Variants in LIME1 observed in about 807,000 individuals in gnomAD.
LIME1 encodes Lck interacting transmembrane adaptor 1, also known as lck-interacting transmembrane adapter 1.
In LIME1, 23 loss-of-function variants were observed where a neutral mutation model predicts 18.8. The observed-to-expected ratio is 1.22, with a 90% CI of 0.88 to 1.73. The LOEUF (loss-of-function observed/expected upper bound fraction) is 1.73. LIME1 is among the 40% of genes most tolerant of loss of function. LIME1 has a pLI of 0.00. For missense variants in LIME1, 423 were observed against 396.8 expected, an observed-to-expected ratio of 1.07 and a Z score of -0.56; for synonymous variants, 177 against 182.3, an observed-to-expected ratio of 0.97 and a Z score of 0.23.
At chr20:63,736,242 G>C (rs1020392525), upstream of LIME1, 1 of 323,102 alleles carries the variant, frequency 3.1e-6, no homozygotes, top group African/African-American at 2.2e-5. Context: ...TAGGAGGCCG[G>C]CATTCTCCCT....
In LIME1 at chr20:63,738,025, T is replaced by C; in HGVS notation, c.233T>C (p.Leu78Pro). The C allele has an allele frequency of 1.3e-6, 2 of 1,561,974 alleles. No individual in the cohort carries two copies. Among genetic ancestry groups the C allele is most frequent in the Non-Finnish European group, 8.6e-7 (1 of 1,158,556 alleles). The change falls in exon 4 of 6, where the codon CTG becomes CCG. Residue 78 changes from leucine (L) to proline (P), a missense_variant. Transcript: ENST00000309546. ...TCCCTCAGCAAGTCGGACACCAGACTGCACGAGCTGCACCGGGGCCCGCGC... is the reference window on the plus strand; with the variant it reads ...TCCCTCAGCAAGTCGGACACCAGACCGCACGAGCTGCACCGGGGCCCGCGC... ...LCSLSKSDTR[L>P]HELHRGPRSS...
At chr20:63,735,835 G>A (rs763545829), upstream of LIME1, 19 of 1,612,352 alleles carry the variant, frequency 1.2e-5, no homozygotes, top group Non-Finnish European at 2.5e-6. Flanking sequence ...CCCAGCGCCA[G>A]CTGGGGCAGC....
intron 2 of LIME1, 21 bp from the exon 3 acceptor site, chr20:63,737,800 C>T (rs2092009509): frequency 6.6e-6 from 9 of 1,354,206 alleles, no homozygotes; most frequent in Admixed American, 5.4e-5. Flanking sequence ...CCGCCCCCCG[C>T]CCCCCACCTC....
upstream of LIME1, chr20:63,736,215 G>C (rs1384137818): frequency 2.6e-6 from 1 of 385,734 alleles, no homozygotes; most frequent in Admixed American, 4.4e-5. Flanking sequence ...TGAGAGACGG[G>C]CTGGGCTGGA....
upstream of LIME1, chr20:63,736,376 C>CCT (rs201907118): frequency 4.2e-3 from 765 of 181,090 alleles, 4 homozygotes; most frequent in African/African-American, 0.017. Flanking sequence ...GGACTGTGGC[C>CCT]CACCACGTGG....
chr20:63,735,983 G>T (rs1443931028), upstream of LIME1: 4 of 1,563,282 alleles, frequency 2.6e-6, no homozygotes, highest in East Asian at 9.0e-5. Flanking sequence ...AGGAAGACCA[G>T]TGTTGCCCGA....
At position 63,737,525 on chromosome 20, in the gene LIME1, G is replaced by A. The variant is rs2092004581; in HGVS notation, c.-17-8G>A. The A allele has an allele frequency of 2.7e-6, 4 of 1,498,830 alleles. No homozygotes were observed. The East Asian group carries it at 1.0e-4, about 39-fold the overall frequency. 92.8% of individuals were successfully genotyped at this position (1,498,830 alleles called of 1,614,324 possible). A position where few individuals can be genotyped will look rare whatever the true frequency, so the allele number is the denominator to read the frequency against. On this transcript the variant is annotated splice_region_variant and splice_polypyrimidine_tract_variant and intron_variant, in intron 1 of 5. Coordinates refer to ENST00000309546, the MANE Select transcript of LIME1 (RefSeq NM_017806.4). ...CCAGCCCCCAGCGCCCCTTTCTTCT[G>A]TCCCCAGGGCCTCGGCTTCACAGGA...
chr20:63,738,756 C>T lies in LIME1; in HGVS notation c.744C>T (p.Gly248=). 4 of 1,613,050 alleles carry T rather than the reference C, an allele frequency of 2.5e-6. No homozygotes were observed. Among genetic ancestry groups the T allele is most frequent in the Non-Finnish European group, 3.4e-6 (4 of 1,179,946 alleles). Residue 248 remains glycine (G), a synonymous_variant, in exon 6 of 6, where the codon GGC becomes GGT. Transcript: ENST00000309546. ...LPLRALDVDS[G]PLENVYESIR... is the part of the protein sequence containing the mutation. ...TCAGGGCCCTGGATGTGGACAGCGG[C>T]CCCCTGGAAAACGTGTATGAGAGCA...
rs374464189 is a variant in LIME1, at chr20:63,738,618, G to T, written c.606G>T (p.Arg202Ser). The T allele has an allele frequency of 3.2e-6, 5 of 1,575,430 alleles. No homozygotes were observed. The highest frequency in any genetic ancestry group is 1.4e-5 in the African/African-American group (1 of 73,556). The change falls in exon 6 of 6, where the codon AGG becomes AGT. Residue 202 changes from arginine (R) to serine (S), a missense_variant. Physicochemically the swap from Arg to Ser is moderately radical, Grantham distance 110. Transcript: ENST00000309546. ...TCCAGGTGGACGTCCTGTACTCCAG[G>T]GTCTGCAAGCCTAAAAGGAGGGACC... ...PAAQVDVLYS[R>S]VCKPKRRDPG...
In LIME1 at chr20:63,738,380, G is replaced by T; in HGVS notation, c.466G>T (p.Val156Phe). The change falls in exon 5 of 6, where the codon GTC becomes TTC. Residue 156 changes from valine to phenylalanine, a missense_variant. By Grantham distance (50) the Val-to-Phe change is conservative (BLOSUM62 -1). Coordinates refer to ENST00000309546, the MANE Select transcript of LIME1 (RefSeq NM_017806.4). ...SNVGLAALPGVSLAASPVVAE... is the reference protein window; with the variant it reads ...SNVGLAALPGFSLAASPVVAE... ...CGTGGGGCTGGCGGCCCTTCCCGGG[G>T]TCAGCCTGGCGGCCAGCCCTGTGGT... 6.4e-7 allele frequency: 1 copy of T among 1,556,076 alleles called. No individual in the cohort carries two copies. Among genetic ancestry groups the T allele is most frequent in the Admixed American group, 1.9e-5 (1 of 52,072 alleles).
chr20:63,736,044 C>G, upstream of LIME1: 1 of 1,385,190 alleles, frequency 7.2e-7, no homozygotes, highest in Admixed American at 2.6e-5. Context: ...TGAGTGGAGA[C>G]AGAGCTGCGG....
In LIME1 at chr20:63,738,592, C is replaced by T. The variant is rs1047065885; in HGVS notation, c.586-6C>T. ...ACCCCTCCTCGGGTTGGCTTCCTGT[C>T]TCCAGGTGGACGTCCTGTACTCCAG... is the stretch of plus-strand genomic sequence containing the variant. On this transcript the variant is annotated splice_region_variant and splice_polypyrimidine_tract_variant and intron_variant, in intron 5 of 5. Transcript: ENST00000309546. 5 of 1,542,730 alleles carry T rather than the reference C, an allele frequency of 3.2e-6. No individual in the cohort carries two copies. The highest frequency in any genetic ancestry group is 3.5e-6 in the Non-Finnish European group (4 of 1,145,830).
In LIME1 at chr20:63,738,069, A is replaced by AGGGTG; in HGVS notation, c.268+12_268+13insTGGGG. 1.1e-6 allele frequency: 1 copy of AGGGTG among 902,940 alleles called. No individual in the cohort carries two copies. Among genetic ancestry groups the AGGGTG allele is most frequent in the Non-Finnish European group, 1.5e-6 (1 of 648,880 alleles). 55.9% of individuals were successfully genotyped at this position (902,940 alleles called of 1,614,324 possible). A position where few individuals can be genotyped will look rare whatever the true frequency, so the allele number is the denominator to read the frequency against. Reference sequence around the variant, plus strand: ...CCCGCGCAGCAGCAGGGGTGAGCAGAGGGCGGGGCGGGGGCGGCCGGGCGG... The same window carrying AGGGTG: ...CCCGCGCAGCAGCAGGGGTGAGCAGAGGGTGGGGCGGGGCGGGGGCGGCCGGGCGG... On this transcript the variant is annotated intron_variant, in intron 4 of 5. Transcript: ENST00000309546.
At chr20:63,738,085 G>GGGGAGC in intron 4 of LIME1, 25 bp downstream of exon 4, 1 of 1,525,440 alleles carries the variant, frequency 6.6e-7, no homozygotes, top group Middle Eastern at 2.2e-4. Flanking sequence ...GGGCGGGGGC[G>GGGGAGC]GCCGGGCGGG....
At chr20:63,737,716 G>A in intron 2 of LIME1, 69 bp downstream of exon 2, 1 of 1,457,828 alleles carries the variant, frequency 6.9e-7, no homozygotes, top group Non-Finnish European at 9.0e-7. Context: ...GCGCGGGAAG[G>A]GGCTGGAGGC....
At chr20:63,735,711 A>G, upstream of LIME1, 2 of 1,545,304 alleles carry the variant, frequency 1.3e-6, no homozygotes, top group East Asian at 2.4e-5. Context: ...GCACACAGGC[A>G]GTGGGTACGG....
At chr20:63,736,579 C>T (rs1214906087), upstream of LIME1, 9 of 984,902 alleles carry the variant, frequency 9.1e-6, no homozygotes, top group Non-Finnish European at 1.1e-5. Flanking sequence ...GGCTGCTGCC[C>T]AGGGTGGGAG....
At chr20:63,736,628 TGAGGTGGG>T, upstream of LIME1, 1 of 986,412 alleles carries the variant, frequency 1.0e-6, no homozygotes, top group South Asian at 4.7e-5. Context: ...CAGGAAGTGA[TGAGGTGGG>T]GAGCTCAGCC....
At chr20:63,737,185 C>T (rs1046525441) in intron 1 of LIME1, 3 of 1,042,776 alleles carry the variant, frequency 2.9e-6, no homozygotes, top group East Asian at 7.5e-5. Context: ...GAGTCTGTGG[C>T]CTGTGGCGCA....
Sources: allele counts gnomAD v4.1 joint callset, GRCh38; gene constraint gnomAD v4.1.1; transcripts MANE v1.5; gene names NCBI Gene and HGNC (gene_info 2026-07-23, HGNC 2026-07-21).